Variants in KLHL1 observed in about 807,000 individuals in gnomAD.
KLHL1 encodes the protein kelch-like protein 1.
Under a neutral mutation model 77.7 loss-of-function variants are expected in KLHL1, and 47 were observed. The observed-to-expected ratio is 0.60, with a 90% CI of 0.48 to 0.77. The LOEUF is 0.77. KLHL1 is among the 30% of genes least tolerant of loss of function. The pLI is 0.00. For synonymous variants in KLHL1, 360 were observed against 325.2 expected, an observed-to-expected ratio of 1.11 and a Z score of -1.15; for missense variants, 925 against 910.8, an observed-to-expected ratio of 1.02 and a Z score of -0.20.
At position 69,771,276 on chromosome 13, in the gene KLHL1, C is replaced by CAAAAAA. The variant is rs59252203; in HGVS notation, c.1639+25456_1639+25461dup. On this transcript the variant is annotated intron_variant, in intron 7 of 10. Transcript: ENST00000377844. ...AACACCATGTGCCTTTAGCAACTTT[C>CAAAAAA]AAAAAAAAAAAAAAAACATGCTCTT... Among the ~76,000 whole-genome samples, 91 of 128,058 alleles carry CAAAAAA rather than the reference C, an allele frequency of 7.1e-4. 1 individual carries two copies. Among genetic ancestry groups the CAAAAAA allele is most frequent in the African/African-American group, 2.3e-3 (81 of 35,774 alleles). 84.0% of individuals were successfully genotyped at this position (128,058 alleles called of 152,430 possible).
chr13:69,898,320 G>A (rs1881720348), intron 4 of KLHL1, among the ~76,000 whole-genome samples: 1 of 152,166 alleles, frequency 6.6e-6, no homozygotes, highest in South Asian at 2.1e-4. Context: ...ACCAAGACAA[G>A]GAGTTTGCCT....
chr13:69,936,656 A>T (rs988369492), intron 4 of KLHL1, among the ~76,000 whole-genome samples: 7 of 151,978 alleles, frequency 4.6e-5, no homozygotes, highest in African/African-American at 1.4e-4. Flanking sequence ...CATGTTTTGA[A>T]TTTTTTTTAA....
chr13:69,860,222 T>C (rs182248582), intron 5 of KLHL1, among the ~76,000 whole-genome samples: 165 of 152,176 alleles, frequency 1.1e-3, no homozygotes, highest in Admixed American at 2.5e-3. Flanking sequence ...TGGTAGAATA[T>C]ATACTTTCTA....
intron 9 of KLHL1, among the ~76,000 whole-genome samples, chr13:69,716,885 C>T (rs937341933): frequency 6.6e-6 from 1 of 152,072 alleles, no homozygotes; most frequent in Admixed American, 6.6e-5. Context: ...ATCTTCTGGA[C>T]CTAATTTCTC....
At chr13:69,941,396 C>T (rs907233880) in intron 3 of KLHL1, among the ~76,000 whole-genome samples, 2 of 151,976 alleles carry the variant, frequency 1.3e-5, no homozygotes, top group East Asian at 3.9e-4. Context: ...ATTCTTTGAT[C>T]TGAATGATAA....
intron 7 of KLHL1, among the ~76,000 whole-genome samples, chr13:69,773,768 G>T (rs1875690196): frequency 6.6e-6 from 1 of 151,402 alleles, no homozygotes; most frequent in Non-Finnish European, 1.5e-5. Flanking sequence ...AATATTTAGT[G>T]TTCTGTTGCT....
intron 1 of KLHL1, among the ~76,000 whole-genome samples, chr13:70,066,877 C>T (rs9542170): frequency 0.21 from 31,898 of 152,110 alleles, 4,134 homozygotes; most frequent in African/African-American, 0.37. Context: ...TATATAACAG[C>T]TCTAAAATAA....
At chr13:70,080,382 G>A (rs73214642) in intron 1 of KLHL1, among the ~76,000 whole-genome samples, 13,969 of 152,088 alleles carry the variant, frequency 0.092, 848 homozygotes, top group Non-Finnish European at 0.14. Context: ...TTAGAGGAAC[G>A]ATCTTTAAAA....
intron 1 of KLHL1, among the ~76,000 whole-genome samples, chr13:70,029,276 A>G (rs1429872722): frequency 6.6e-6 from 1 of 152,124 alleles, no homozygotes; most frequent in Non-Finnish European, 1.5e-5. Context: ...GGGCAGATGA[A>G]AGAAATTTGA....
rs1343685441 is a variant in KLHL1 at position 69,855,917 on chromosome 13, A to G, written c.1228-16755T>C. On this transcript the variant is annotated intron_variant, in intron 5 of 10. Coordinates refer to ENST00000377844, the MANE Select transcript of KLHL1 (RefSeq NM_020866.3). ...ACATGTTTTATATATATTATATGTT[A>G]TAACATATTAATATGCATGTTTTAT... is the stretch of plus-strand genomic sequence containing the variant. Among the ~76,000 whole-genome samples the G allele has an allele frequency of 2.1e-5, 3 of 140,256 alleles. No homozygotes were observed. The South Asian group carries it at 6.3e-4, about 30-fold the overall frequency. 92.0% of individuals were successfully genotyped at this position (140,256 alleles called of 152,430 possible). A position where few individuals can be genotyped will look rare whatever the true frequency, so the allele number is the denominator to read the frequency against.
rs372636983 is a variant in KLHL1 at position 69,703,215 on chromosome 13, C to T, written c.2188-1454G>A. Among the ~76,000 whole-genome samples the T allele has an allele frequency of 9.9e-5, 15 of 151,548 alleles. No individual in the cohort carries two copies. The South Asian group carries it at 2.9e-3, about 30-fold the overall frequency. On this transcript the variant is annotated intron_variant, in intron 10 of 10. Transcript: ENST00000377844. Reference sequence around the variant, plus strand: ...TTATAATGGAGCTGAAAAATTCCATCGTCTGGTAATGTCATAGCCCTCTTA... The same window carrying T: ...TTATAATGGAGCTGAAAAATTCCATTGTCTGGTAATGTCATAGCCCTCTTA...
intron 7 of KLHL1, among the ~76,000 whole-genome samples, chr13:69,743,663 G>A (rs541051416): frequency 6.6e-6 from 1 of 152,100 alleles, no homozygotes; most frequent in African/African-American, 2.4e-5. Flanking sequence ...ATGCGTGCCT[G>A]TAATCCCAGC....
intron 1 of KLHL1, among the ~76,000 whole-genome samples, chr13:70,053,309 T>C (rs1886672887): frequency 6.6e-6 from 1 of 152,060 alleles, no homozygotes; most frequent in Non-Finnish European, 1.5e-5. Flanking sequence ...TAATATAAGA[T>C]GTGAAAGATA....
chr13:69,729,291 A>G (rs932091855), intron 8 of KLHL1, among the ~76,000 whole-genome samples: 4 of 152,124 alleles, frequency 2.6e-5, no homozygotes, highest in Non-Finnish European at 4.4e-5. Flanking sequence ...AAATTGATGC[A>G]ATTTTGGTCT....
At chr13:69,735,556 AATAG>A (rs1263208646) in intron 8 of KLHL1, among the ~76,000 whole-genome samples, 6 of 149,280 alleles carry the variant, frequency 4.0e-5, no homozygotes, top group African/African-American at 1.2e-4. Flanking sequence ...TTAATGTATA[AATAG>A]ATATAAATAA....
chr13:70,016,634 C>T (rs771978552), intron 1 of KLHL1, among the ~76,000 whole-genome samples: 11 of 152,186 alleles, frequency 7.2e-5, no homozygotes, highest in Non-Finnish European at 1.3e-4. Context: ...CGAAGGGAGG[C>T]TGAGAGTGGC....
At chr13:69,719,960 A>G (rs1435852006) in intron 8 of KLHL1, among the ~76,000 whole-genome samples, 2 of 152,106 alleles carry the variant, frequency 1.3e-5, no homozygotes, top group African/African-American at 4.8e-5. Flanking sequence ...GGAGAAAGGC[A>G]TTATCCTATT....
intron 1 of KLHL1, among the ~76,000 whole-genome samples, chr13:70,060,433 A>G (rs1886851486): frequency 6.6e-6 from 1 of 152,162 alleles, no homozygotes. Context: ...AAAAAGGAAG[A>G]AAATCAATAT....
chr13:69,927,623 T>C (rs1314703570), intron 4 of KLHL1, among the ~76,000 whole-genome samples: 1 of 152,174 alleles, frequency 6.6e-6, no homozygotes, highest in Non-Finnish European at 1.5e-5. Context: ...CCAAAGAGGA[T>C]ATATAAATGT....
Sources: allele counts gnomAD v4.1 joint callset (sites outside exome capture counted in the v4.1 genomes callset), GRCh38; gene constraint gnomAD v4.1.1; transcripts MANE v1.5; gene names NCBI Gene and HGNC (gene_info 2026-07-23, HGNC 2026-07-21).